MYEF2: variants seen among roughly 807,000 people sequenced by gnomAD.
The protein encoded by MYEF2 is myelin expression factor 2.
In MYEF2, 37 loss-of-function variants were observed where a neutral mutation model predicts 75.2. The observed-to-expected ratio is 0.49, with a 90% confidence interval of 0.38 to 0.65. The LOEUF is 0.65. MYEF2 is among the 30% of genes least tolerant of loss of function. The pLI, the probability that MYEF2 is intolerant of heterozygous loss-of-function variation, is 0.00. For synonymous variants in MYEF2, 195 were observed against 241.6 expected, an observed-to-expected ratio of 0.81 and a Z score of 1.79; for missense variants, 634 against 771.4, an observed-to-expected ratio of 0.82 and a Z score of 2.11.
At chr15:48,147,990 A>C (rs1472778223) in intron 16 of MYEF2, among the ~76,000 whole-genome samples, 1 of 152,002 alleles carries the variant, frequency 6.6e-6, no homozygotes, top group Non-Finnish European at 1.5e-5. Context: ...TGCCTTCAAG[A>C]GCTTCCACGT....
At chr15:48,146,326 T>C (rs889828453) in intron 16 of MYEF2, among the ~76,000 whole-genome samples, 5 of 151,814 alleles carry the variant, frequency 3.3e-5, no homozygotes. Context: ...AAAAGATAGA[T>C]CTCTTTTGCT....
Position 48,157,984 on chromosome 15 carries a change from T to C in MYEF2, c.985+9A>G. Reference sequence around the variant, plus strand: ...GCCTATGTTGTTTCTCATAATAGCTTTTACTTACGTGGTAATTGTGGTGTT... The same window carrying C: ...GCCTATGTTGTTTCTCATAATAGCTCTTACTTACGTGGTAATTGTGGTGTT... On this transcript the variant is annotated intron_variant, in intron 9 of 16. Coordinates refer to ENST00000324324, the MANE Select transcript of MYEF2 (RefSeq NM_016132.5). The C allele has an allele frequency of 6.2e-7, 1 of 1,612,860 alleles. No individual in the cohort carries two copies. Among genetic ancestry groups the C allele is most frequent in the Non-Finnish European group, 8.5e-7 (1 of 1,179,226 alleles).
In MYEF2 at chr15:48,178,269, G is replaced by A; in HGVS notation, c.-32C>T. 7.3e-7 allele frequency: 1 copy of A among 1,373,672 alleles called. No individual in the cohort carries two copies. The highest frequency in any genetic ancestry group is 9.4e-7 in the Non-Finnish European group (1 of 1,068,008). The allele number at this position is 1,373,672 out of a possible 1,614,324, so 85.1% of individuals were successfully genotyped here. A position where few individuals can be genotyped will look rare whatever the true frequency, so the allele number is the denominator to read the frequency against. On this transcript the variant is annotated 5_prime_UTR_variant, in exon 1 of 17. Transcript: ENST00000324324. ...GCCGCTGCCTCCGCCTCGGCCGCCTGAGCTGAGGGGCTCCGAGCGCGACAA... is the reference window on the plus strand; with the variant it reads ...GCCGCTGCCTCCGCCTCGGCCGCCTAAGCTGAGGGGCTCCGAGCGCGACAA...
In MYEF2 at chr15:48,142,396, G is replaced by A. The variant is rs1418687893; in HGVS notation, c.*512C>T. The A allele has an allele frequency of 7.8e-7, 1 of 1,277,114 alleles. No homozygotes were observed. Among genetic ancestry groups the A allele is most frequent in the Non-Finnish European group, 1.1e-6 (1 of 941,578 alleles). The allele number at this position is 1,277,114 out of a possible 1,614,324, so 79.1% of individuals were successfully genotyped here. ...CAGAAAATATGAATGGCAGGGAGGGGCAGAGAGAAAAATCCATTTCTTCAT... is the reference window on the plus strand; with the variant it reads ...CAGAAAATATGAATGGCAGGGAGGGACAGAGAGAAAAATCCATTTCTTCAT... On this transcript the variant is annotated 3_prime_UTR_variant, in exon 17 of 17. Transcript: ENST00000324324.
intron 1 of MYEF2, 123 bp from the exon 2 acceptor site, chr15:48,168,962 A>G: frequency 1.4e-6 from 1 of 691,574 alleles, no homozygotes; most frequent in Non-Finnish European, 2.4e-6. Context: ...GCTAGACCTC[A>G]GCAAAGTAGC....
intron 7 of MYEF2, 54 bp downstream of exon 7, chr15:48,158,715 T>C: frequency 1.2e-6 from 2 of 1,600,282 alleles, no homozygotes; most frequent in South Asian, 1.1e-5. Flanking sequence ...AAAACAAAGG[T>C]GGTATTATGC....
chr15:48,177,835 G>T (rs1285333322), intron 1 of MYEF2, among the ~76,000 whole-genome samples: 2 of 152,296 alleles, frequency 1.3e-5, no homozygotes, highest in Admixed American at 1.3e-4. Context: ...AGAAATCAGG[G>T]AAGAGCGCTG....
At chr15:48,144,019 A>C (rs541513279) in intron 16 of MYEF2, among the ~76,000 whole-genome samples, 2 of 152,180 alleles carry the variant, frequency 1.3e-5, no homozygotes, top group Non-Finnish European at 2.9e-5. Context: ...GGGTGTGACT[A>C]CTTACCAAAA....
intron 9 of MYEF2, chr15:48,157,727 T>G: frequency 8.8e-7 from 1 of 1,142,598 alleles, no homozygotes; most frequent in South Asian, 3.5e-5. Context: ...GAGGACTTTT[T>G]TTCCTTCAAG....
intron 6 of MYEF2, among the ~76,000 whole-genome samples, chr15:48,159,274 A>G (rs1277107515): frequency 6.6e-6 from 1 of 152,140 alleles, no homozygotes; most frequent in Non-Finnish European, 1.5e-5. Flanking sequence ...CAAACCAACT[A>G]TGGCATGCAT....
intron 1 of MYEF2, among the ~76,000 whole-genome samples, chr15:48,172,480 C>T (rs1316311804): frequency 6.8e-6 from 1 of 148,000 alleles, no homozygotes; most frequent in African/African-American, 2.5e-5. Context: ...TCAGTCCAAA[C>T]TTAGTAGAAA....
chr15:48,144,701 C>A (rs772723175), intron 16 of MYEF2, among the ~76,000 whole-genome samples: 23 of 151,710 alleles, frequency 1.5e-4, no homozygotes, highest in Admixed American at 5.9e-4. Context: ...AAATGCAGCA[C>A]AATTTCCAGA....
rs1415397286 is a variant in MYEF2, at chr15:48,139,735, C to T, written c.*3173G>A. The T allele has an allele frequency of 6.6e-6, 1 of 152,120 alleles. No individual in the cohort carries two copies. The highest frequency in any genetic ancestry group is 2.4e-5 in the African/African-American group (1 of 41,406). The allele number at this position is 152,120 out of a possible 1,614,324, so 9.4% of individuals were successfully genotyped here. On this transcript the variant is annotated 3_prime_UTR_variant, in exon 17 of 17. Transcript: ENST00000324324. ...GACTTAACTAGCTACTGCTGCTTGG[C>T]CATAATCCACTACAGTCCCTAAACA...
Position 48,141,277 on chromosome 15 carries a change from C to T in MYEF2, c.*1631G>A. 8 of 1,363,498 alleles carry T rather than the reference C, an allele frequency of 5.9e-6. No homozygotes were observed. Among genetic ancestry groups the T allele is most frequent in the Non-Finnish European group, 8.3e-6 (8 of 961,740 alleles). The allele number at this position is 1,363,498 out of a possible 1,614,324, so 84.5% of individuals were successfully genotyped here. Reference sequence around the variant, plus strand: ...ACAAGGCTAGAATGAGTAAAAGTAGCTTTAAAAATGTTTACTTCCAGCCGG... The same window carrying T: ...ACAAGGCTAGAATGAGTAAAAGTAGTTTTAAAAATGTTTACTTCCAGCCGG... On this transcript the variant is annotated 3_prime_UTR_variant, in exon 17 of 17. Transcript: ENST00000324324.
rs552415461 is a variant in MYEF2, at chr15:48,166,768, A to G, written c.423+581T>C. 2.6e-5 allele frequency among the ~76,000 whole-genome samples: 4 copies of G among 152,066 alleles called. No homozygotes were observed. The South Asian group carries it at 8.3e-4, about 31-fold the overall frequency. On this transcript the variant is annotated intron_variant, in intron 3 of 16. Coordinates refer to ENST00000324324, the MANE Select transcript of MYEF2 (RefSeq NM_016132.5). ...CATGCACCCAACTAGTTTTACTAACATAATGAAACATTGCTAAGAGTTTTC... is the reference window on the plus strand; with the variant it reads ...CATGCACCCAACTAGTTTTACTAACGTAATGAAACATTGCTAAGAGTTTTC...
At chr15:48,164,451 G>A (rs970062292) in intron 5 of MYEF2, among the ~76,000 whole-genome samples, 1 of 152,162 alleles carries the variant, frequency 6.6e-6, no homozygotes, top group Admixed American at 6.5e-5. Flanking sequence ...ATCTACACCT[G>A]GTGAATATGC....
intron 1 of MYEF2, among the ~76,000 whole-genome samples, chr15:48,174,446 A>G (rs915595259): frequency 6.6e-6 from 1 of 152,008 alleles, no homozygotes; most frequent in East Asian, 1.9e-4. Context: ...ACAAAAGTAA[A>G]CAACTGGGAC....
At chr15:48,176,157 T>C (rs1235132145) in intron 1 of MYEF2, among the ~76,000 whole-genome samples, 1 of 149,940 alleles carries the variant, frequency 6.7e-6, no homozygotes, top group East Asian at 2.0e-4. Flanking sequence ...ATTAAAAGTA[T>C]ATGGTAATCA....
At chr15:48,168,188 G>C (rs1213226768) in intron 2 of MYEF2, among the ~76,000 whole-genome samples, 1 of 151,968 alleles carries the variant, frequency 6.6e-6, no homozygotes, top group East Asian at 1.9e-4. Context: ...TGGCAGTCAT[G>C]ACAATGCAAA....
Sources: allele counts gnomAD v4.1 joint callset (sites outside exome capture counted in the v4.1 genomes callset), GRCh38; gene constraint gnomAD v4.1.1; transcripts MANE v1.5; gene names NCBI Gene and HGNC (gene_info 2026-07-23, HGNC 2026-07-21).